Variants in RBKS observed in about 807,000 individuals in gnomAD.
RBKS encodes ribokinase.
A neutral mutation model predicts 33.9 loss-of-function variants in RBKS; 33 were observed. That is an observed-to-expected ratio of 0.97 (90% CI 0.74 to 1.30). RBKS has a LOEUF of 1.30. Among genes scored for constraint, RBKS ranks in the 50% most tolerant of loss-of-function variants. The probability of loss-of-function intolerance (pLI) is 0.00; values close to 1 mark genes in which losing one functional copy is unlikely to be tolerated. For synonymous variants in RBKS, 125 were observed against 143.0 expected (o/e 0.87, Z 0.90); for missense variants, 361 against 392.6 (o/e 0.92, Z 0.68).
At chr2:27,822,474 G>A (rs1678231114) in intron 7 of RBKS, among the ~76,000 whole-genome samples, 1 of 152,196 alleles carries the variant, frequency 6.6e-6, no homozygotes, top group Non-Finnish European at 1.5e-5. Flanking sequence ...GAGACAGCCG[G>A]GATGGCCGCG....
intron 7 of RBKS, among the ~76,000 whole-genome samples, chr2:27,785,607 AC>A (rs530203523): frequency 1.1e-4 from 16 of 152,140 alleles, no homozygotes; most frequent in African/African-American, 3.6e-4. Context: ...TACTAAAAAT[AC>A]AAAAACTAGC....
chr2:27,840,364 GCACACACACACA>G lies in RBKS; in HGVS notation c.514+2691_514+2702del, dbSNP rs70953891. ...CACACACACACACACACGCGCGCGC[GCACACACACACA>G]CACACACACACACACACACCCTCCT... On this transcript the variant is annotated intron_variant, in intron 5 of 7. Transcript: ENST00000302188. Among the ~76,000 whole-genome samples the G allele has an allele frequency of 3.1e-5, 4 of 130,076 alleles. No homozygotes were observed. The South Asian group carries it at 7.4e-4, about 24-fold the overall frequency. The allele number at this position is 130,076 out of a possible 152,430, so 85.3% of individuals were successfully genotyped here.
rs58195900 is a variant in RBKS at position 27,848,838 on chromosome 2, CA to C, written c.223-742del. Among the ~76,000 whole-genome samples the C allele has an allele frequency of 9.7e-3, 923 of 95,470 alleles. 1 individual carries two copies. Among genetic ancestry groups the C allele is most frequent in the African/African-American group, 0.021 (499 of 24,308 alleles). The allele number at this position is 95,470 out of a possible 152,430, so 62.6% of individuals were successfully genotyped here. On this transcript the variant is annotated intron_variant, in intron 2 of 7. Coordinates refer to ENST00000302188, the MANE Select transcript of RBKS (RefSeq NM_022128.3). ...TCTGGGTGACAGAGTGAGACTGTCTCAAAAAAAAAAAAAAAAAAGTGTGTTC... is the reference window on the plus strand; with the variant it reads ...TCTGGGTGACAGAGTGAGACTGTCTCAAAAAAAAAAAAAAAAAGTGTGTTC...
At position 27,844,989 on chromosome 2, in the gene RBKS, G is replaced by T. The variant is rs191628249; in HGVS notation, c.350-1758C>A. On this transcript the variant is annotated intron_variant, in intron 4 of 7. Transcript: ENST00000302188. Reference sequence around the variant, plus strand: ...AATTCTATCCTATCATCTTACCACAGATGTGTTTGTTGGCCACGAGGAAGA... The same window carrying T: ...AATTCTATCCTATCATCTTACCACATATGTGTTTGTTGGCCACGAGGAAGA... Among the ~76,000 whole-genome samples the T allele has an allele frequency of 2.1e-3, 313 of 152,306 alleles. 1 individual carries two copies. Among genetic ancestry groups the T allele is most frequent in the African/African-American group, 7.1e-3 (296 of 41,568 alleles).
At chr2:27,884,976 A>G (rs1664499127) in intron 1 of RBKS, among the ~76,000 whole-genome samples, 1 of 152,110 alleles carries the variant, frequency 6.6e-6, no homozygotes, top group Admixed American at 6.5e-5. Flanking sequence ...TACCATTGAT[A>G]CACTGATGAC....
chr2:27,866,987 G>A (rs977945869), intron 1 of RBKS, among the ~76,000 whole-genome samples: 6 of 151,842 alleles, frequency 4.0e-5, no homozygotes, highest in Admixed American at 1.3e-4. Flanking sequence ...ACCTGTGGTC[G>A]CAGCTACTTG....
chr2:27,822,164 A>G (rs1420240310), intron 7 of RBKS, among the ~76,000 whole-genome samples: 1 of 152,208 alleles, frequency 6.6e-6, no homozygotes, highest in Non-Finnish European at 1.5e-5. Context: ...TACCCATGCA[A>G]GAACTGCTGA....
intron 1 of RBKS, among the ~76,000 whole-genome samples, chr2:27,867,103 C>CAAAAAA (rs59698190): frequency 7.8e-5 from 11 of 140,800 alleles, no homozygotes; most frequent in African/African-American, 2.7e-4. Flanking sequence ...GACCCTGTCT[C>CAAAAAA]AAAAAAAAAA....
intron 7 of RBKS, among the ~76,000 whole-genome samples, chr2:27,822,923 C>G (rs1432286047): frequency 6.6e-6 from 1 of 152,154 alleles, no homozygotes; most frequent in East Asian, 1.9e-4. Context: ...AGGACTTAAC[C>G]ATTTACATAA....
chr2:27,788,027 A>C (rs1335834635), intron 7 of RBKS, among the ~76,000 whole-genome samples: 2 of 152,200 alleles, frequency 1.3e-5, no homozygotes, highest in Admixed American at 1.3e-4. Flanking sequence ...CATATGACAA[A>C]ATTCTACATT....
chr2:27,818,396 G>A (rs1047460837), intron 7 of RBKS, among the ~76,000 whole-genome samples: 16 of 152,182 alleles, frequency 1.1e-4, no homozygotes, highest in African/African-American at 3.9e-4. Context: ...TCAAATAAGA[G>A]AGAGTGAAGA....
chr2:27,886,777 G>A lies in RBKS; in HGVS notation c.89+3480C>T, dbSNP rs560658342. 6.8e-4 allele frequency among the ~76,000 whole-genome samples: 103 copies of A among 152,210 alleles called. No individual in the cohort carries two copies. The Middle Eastern group carries it at 0.024, about 35-fold the overall frequency. On this transcript the variant is annotated intron_variant, in intron 1 of 7. Transcript: ENST00000302188. ...AGAAAGGTTAAGGATTGGGAGACCT[G>A]GGTAGTAGCCTTTACTAGCCACTTA...
chr2:27,784,243 G>A (rs894311104), intron 7 of RBKS, among the ~76,000 whole-genome samples: 11 of 151,904 alleles, frequency 7.2e-5, no homozygotes, highest in African/African-American at 1.2e-4. Context: ...TCGGCCTCCC[G>A]AAGTGCTGGG....
At chr2:27,838,669 T>C (rs1211816056) in intron 5 of RBKS, among the ~76,000 whole-genome samples, 3 of 152,166 alleles carry the variant, frequency 2.0e-5, no homozygotes, top group Non-Finnish European at 4.4e-5. Flanking sequence ...CATAAATTAG[T>C]AGATGCAGTT....
intron 5 of RBKS, among the ~76,000 whole-genome samples, chr2:27,838,429 C>G (rs776758215): frequency 9.2e-5 from 14 of 151,946 alleles, no homozygotes; most frequent in Non-Finnish European, 1.9e-4. Context: ...AATTTAGGTA[C>G]CAATTGCTAG....
At chr2:27,869,293 A>T (rs1664158038) in intron 1 of RBKS, among the ~76,000 whole-genome samples, 1 of 152,226 alleles carries the variant, frequency 6.6e-6, no homozygotes, top group South Asian at 2.1e-4. Flanking sequence ...AGCAAGGCCA[A>T]ATAATGGTGC....
chr2:27,784,337 T>C lies in RBKS; in HGVS notation c.796-2549A>G, dbSNP rs181028306. Among the ~76,000 whole-genome samples the C allele has an allele frequency of 1.5e-3, 232 of 152,304 alleles. 3 individuals carry two copies. Among genetic ancestry groups the C allele is most frequent in the Non-Finnish European group, 2.7e-3 (185 of 68,012 alleles). ...TTTGTTGTTCCTTAGACCTAAGGGCTTTCATAACAAATCTTGAGGCTATAC... is the reference window on the plus strand; with the variant it reads ...TTTGTTGTTCCTTAGACCTAAGGGCCTTCATAACAAATCTTGAGGCTATAC... On this transcript the variant is annotated intron_variant, in intron 7 of 7. Transcript: ENST00000302188.
intron 2 of RBKS, among the ~76,000 whole-genome samples, chr2:27,852,628 A>G (rs1254091386): frequency 6.6e-6 from 1 of 152,230 alleles, no homozygotes; most frequent in Admixed American, 6.5e-5. Flanking sequence ...GGCAGAAACC[A>G]TCTAGTAATT....
At chr2:27,804,265 A>G (rs1449236450) in intron 7 of RBKS, among the ~76,000 whole-genome samples, 3 of 152,202 alleles carry the variant, frequency 2.0e-5, no homozygotes, top group Admixed American at 2.0e-4. Flanking sequence ...TGTACAATCC[A>G]ATGTTCTTCA....
Sources: gnomAD v4.1 joint callset for allele counts (sites outside exome capture counted in the v4.1 genomes callset) on GRCh38, gnomAD v4.1.1 for gene constraint, MANE v1.5 for transcripts, NCBI Gene and HGNC (gene_info 2026-07-23, HGNC 2026-07-21) for gene names.